Variants in SPTAN1 observed in about 807,000 individuals in gnomAD.
The protein encoded by SPTAN1 is spectrin alpha, non-erythrocytic 1.
A neutral mutation model predicts 331.3 loss-of-function variants in SPTAN1; 61 were observed. That is an observed-to-expected ratio of 0.18 (90% CI 0.15 to 0.23). The LOEUF (loss-of-function observed/expected upper bound fraction) is 0.23, where lower values mean the gene tolerates loss of function less well. Among genes scored for constraint, SPTAN1 ranks in the 10% least tolerant of loss-of-function variants. The pLI is 1.00. For missense variants in SPTAN1, 2,043 were observed against 3,147.9 expected (o/e 0.65, Z 8.40); for synonymous variants, 1,153 against 1,173.9 (o/e 0.98, Z 0.36).
rs1300670035 is a variant in SPTAN1, at chr9:128,577,178, G to A, written c.835G>A (p.Ala279Thr). Residue 279 changes from alanine to threonine, a missense_variant, in exon 7 of 57, where the codon GCC becomes ACC. Ala to Thr is a moderately conservative substitution (Grantham distance 58). Coordinates refer to ENST00000372739, the MANE Select transcript of SPTAN1 (RefSeq NM_001130438.3). The surrounding 1 kb of genome is among the most constrained non-coding windows in gnomAD (Gnocchi z 4.2). ...GATTAAGGAAAAGGAGCAGTTAATG[G>A]CCTCTGATGATTTTGGCCGAGACCT... ...SWIKEKEQLM[A>T]SDDFGRDLAS... 1 of 1,614,210 alleles carries A rather than the reference G, an allele frequency of 6.2e-7. No homozygotes were observed. The highest frequency in any genetic ancestry group is 8.5e-7 in the Non-Finnish European group (1 of 1,180,030).
intron 1 of SPTAN1, among the ~76,000 whole-genome samples, chr9:128,562,182 A>G (rs1041394554): frequency 1.3e-5 from 2 of 152,156 alleles, no homozygotes; most frequent in African/African-American, 4.8e-5. Context: ...GGCTCATCAC[A>G]ACCTCCGCCT....
At chr9:128,598,199 G>C (rs1854573946) in intron 24 of SPTAN1, among the ~76,000 whole-genome samples, 2 of 139,058 alleles carry the variant, frequency 1.4e-5, no homozygotes, top group African/African-American at 2.7e-5. Context: ...CCGCCCACTT[G>C]GGCCTCCCAA....
chr9:128,557,799 CTTTTTTTTTT>C (rs72214808), intron 1 of SPTAN1, among the ~76,000 whole-genome samples: 1 of 85,006 alleles, frequency 1.2e-5, no homozygotes, highest in Admixed American at 1.5e-4. Flanking sequence ...TTAGAAATTT[CTTTTTTTTTT>C]TTTTTTTTTT....
chr9:128,599,992 G>T (rs1854881243), intron 26 of SPTAN1, 88 bp from the exon 27 acceptor site: 1 of 1,383,966 alleles, frequency 7.2e-7, no homozygotes, highest in Non-Finnish European at 1.0e-6. Context: ...TCTCCCCTGG[G>T]GGAAACTAGA....
At chr9:128,617,503 T>C in intron 41 of SPTAN1, 137 bp from the exon 42 acceptor site, 1 of 1,291,560 alleles carries the variant, frequency 7.7e-7, no homozygotes, top group South Asian at 1.3e-5. Flanking sequence ...GTAGAGGCTT[T>C]TGTTGTTCAG....
At chr9:128,583,624 G>A (rs1852212734) in intron 15 of SPTAN1, among the ~76,000 whole-genome samples, 164 bp from the exon 16 acceptor site, 1 of 152,134 alleles carries the variant, frequency 6.6e-6, no homozygotes, top group African/African-American at 2.4e-5. Flanking sequence ...CCTTGAGAAG[G>A]TAGAGCAGAG....
At chr9:128,594,891 C>CG (rs1391215734) in intron 24 of SPTAN1, among the ~76,000 whole-genome samples, 2 of 133,166 alleles carry the variant, frequency 1.5e-5, no homozygotes, top group East Asian at 4.6e-4. Flanking sequence ...TGCAATGGTG[C>CG]GATCTCGGCT....
chr9:128,587,949 G>A (rs575760850), intron 20 of SPTAN1, among the ~76,000 whole-genome samples: 42 of 151,730 alleles, frequency 2.8e-4, no homozygotes, highest in Non-Finnish European at 4.9e-4. Context: ...GGGTTCAAGC[G>A]ATTTTCCTGA....
intron 22 of SPTAN1, 34 bp downstream of exon 22, chr9:128,591,659 C>G (rs374831136): frequency 6.2e-7 from 1 of 1,612,128 alleles, no homozygotes; most frequent in Non-Finnish European, 8.5e-7. Flanking sequence ...AAGGGCTAGG[C>G]GTCCCATAGG....
chr9:128,598,514 T>A lies in SPTAN1; in HGVS notation c.3519+10T>A. 6.3e-7 allele frequency: 1 copy of A among 1,588,282 alleles called. No homozygotes were observed. The highest frequency in any genetic ancestry group is 8.6e-7 in the Non-Finnish European group (1 of 1,162,288). On this transcript the variant is annotated intron_variant, in intron 25 of 56. Coordinates refer to ENST00000372739, the MANE Select transcript of SPTAN1 (RefSeq NM_001130438.3). ...GGCTGTGCAACAACAGGTAGGTGTC[T>A]CCATCTTGGAGTGAGGCTCTGTTGC...
chr9:128,585,972 A>C lies in SPTAN1; in HGVS notation c.2778+7A>C, dbSNP rs1481569035. On this transcript the variant is annotated splice_region_variant and intron_variant, in intron 19 of 56. Coordinates refer to ENST00000372739, the MANE Select transcript of SPTAN1 (RefSeq NM_001130438.3). ...GGACGAAGACTCTGCTGAGGTAACC[A>C]GGCGTGGGAAGCGTCTCACCTGCCA... 1.2e-6 allele frequency: 2 copies of C among 1,612,058 alleles called. No homozygotes were observed. The highest frequency in any genetic ancestry group is 2.2e-5 in the East Asian group (1 of 44,902).
chr9:128,602,008 A>T (rs186965508), intron 27 of SPTAN1, among the ~76,000 whole-genome samples: 1 of 152,262 alleles, frequency 6.6e-6, no homozygotes, highest in East Asian at 1.9e-4. Context: ...CCCTCAACAG[A>T]ATGTTTCTGA....
intron 1 of SPTAN1, among the ~76,000 whole-genome samples, chr9:128,563,817 T>A (rs1849688731): frequency 6.6e-6 from 1 of 151,956 alleles, no homozygotes; most frequent in Non-Finnish European, 1.5e-5. Flanking sequence ...ATAATTTTTT[T>A]TTTAGAGCCA....
chr9:128,580,807 A>G (rs1851849574), intron 10 of SPTAN1, 115 bp from the exon 11 acceptor site: 1 of 1,475,650 alleles, frequency 6.8e-7, no homozygotes, highest in South Asian at 1.2e-5. Flanking sequence ...TGCAAATCGG[A>G]AAAAAGGCCT....
rs1468013705 is a variant in SPTAN1, at chr9:128,627,501, G to A, written c.6689+3G>A. 6.4e-7 allele frequency: 1 copy of A among 1,550,744 alleles called. No homozygotes were observed. Among genetic ancestry groups the A allele is most frequent in the South Asian group, 1.2e-5 (1 of 84,094 alleles). On this transcript the variant is annotated splice_donor_region_variant and intron_variant, in intron 50 of 56. Transcript: ENST00000372739. The surrounding 1 kb of genome is among the most constrained non-coding windows in gnomAD (Gnocchi z 4.9). Reference sequence around the variant, plus strand: ...CACCAGTGGATCCAAGAGACCAGGTGCCAGCCCGCTGGGGCCGGGGAGCAG... The same window carrying A: ...CACCAGTGGATCCAAGAGACCAGGTACCAGCCCGCTGGGGCCGGGGAGCAG...
intron 1 of SPTAN1, chr9:128,553,361 A>C (rs1489172777): frequency 6.7e-6 from 1 of 148,830 alleles, no homozygotes; most frequent in Non-Finnish European, 1.5e-5. Context: ...TGTAAATAAT[A>C]GGTAAATGCA....
chr9:128,556,396 T>G (rs1243492096), intron 1 of SPTAN1, among the ~76,000 whole-genome samples: 1 of 152,190 alleles, frequency 6.6e-6, no homozygotes, highest in African/African-American at 2.4e-5. Context: ...GGCAGGCCTT[T>G]TTATAAATCA....
intron 24 of SPTAN1, among the ~76,000 whole-genome samples, chr9:128,597,370 A>G (rs1854451615): frequency 6.6e-6 from 1 of 152,028 alleles, no homozygotes; most frequent in African/African-American, 2.4e-5. Flanking sequence ...TATTTGATAA[A>G]ATTATTTGCT....
At chr9:128,619,075 G>T in intron 44 of SPTAN1, 72 bp downstream of exon 44, 1 of 1,606,738 alleles carries the variant, frequency 6.2e-7, no homozygotes. Context: ...TTTCCCTGTT[G>T]GTTTGTTAGA....
Sources: allele counts gnomAD v4.1 joint callset (sites outside exome capture counted in the v4.1 genomes callset), GRCh38; gene constraint gnomAD v4.1.1; non-coding constraint Gnocchi (gnomAD v3.1); transcripts MANE v1.5; gene names NCBI Gene and HGNC (gene_info 2026-07-23, HGNC 2026-07-21).